The following FHIT variants were observed in gnomAD, a reference collection of about 807,000 sequenced individuals.
The protein encoded by FHIT is bis(5'-adenosyl)-triphosphatase.
A neutral mutation model predicts 17.9 loss-of-function variants in FHIT; 19 were observed. The observed-to-expected ratio is 1.06, with a 90% CI of 0.74 to 1.56. The LOEUF (loss-of-function observed/expected upper bound fraction) is 1.56. Ranked by LOEUF, FHIT falls within the 40% of genes most tolerant of loss-of-function variation. FHIT has a pLI of 0.00. For missense variants in FHIT, 248 were observed against 189.2 expected, an observed-to-expected ratio of 1.31 and a Z score of -1.82; for synonymous variants, 81 against 69.7, an observed-to-expected ratio of 1.16 and a Z score of -0.81.
intron 7 of FHIT, among the ~76,000 whole-genome samples, chr3:59,951,393 G>C (rs1707108924): frequency 6.6e-6 from 1 of 152,270 alleles, no homozygotes; most frequent in Admixed American, 6.5e-5. Flanking sequence ...CAACTTTCAT[G>C]GCCACGGCCA....
intron 7 of FHIT, among the ~76,000 whole-genome samples, chr3:59,942,229 A>G (rs78902131): frequency 0.011 from 1,617 of 152,034 alleles, 33 homozygotes; most frequent in African/African-American, 0.037. Context: ...CTGTGAATAC[A>G]TATTTAGTCT....
At chr3:60,148,945 C>T (rs758467718) in intron 5 of FHIT, among the ~76,000 whole-genome samples, 4 of 152,198 alleles carry the variant, frequency 2.6e-5, no homozygotes, top group African/African-American at 4.8e-5. Context: ...TTAGCTGCTG[C>T]TCTTTGACCT....
intron 8 of FHIT, among the ~76,000 whole-genome samples, chr3:59,762,786 C>CCAA (rs1701589824): frequency 6.6e-6 from 1 of 151,044 alleles, no homozygotes; most frequent in South Asian, 2.1e-4. Flanking sequence ...TCGCTGATCA[C>CCAA]CAACACCTCA....
intron 3 of FHIT, among the ~76,000 whole-genome samples, chr3:60,854,912 A>G (rs879975991): frequency 1.3e-5 from 2 of 152,140 alleles, no homozygotes; most frequent in Non-Finnish European, 2.9e-5. Context: ...ACCAATGCCT[A>G]CCATACACAA....
intron 8 of FHIT, among the ~76,000 whole-genome samples, chr3:59,844,776 GT>G (rs1050817271): frequency 4.6e-5 from 7 of 152,062 alleles, no homozygotes; most frequent in African/African-American, 1.7e-4. Context: ...TTGGTCTGTA[GT>G]TTTTTTGCAA....
At chr3:60,007,641 T>A (rs1405294664) in intron 7 of FHIT, among the ~76,000 whole-genome samples, 13 of 152,196 alleles carry the variant, frequency 8.5e-5, no homozygotes, top group Admixed American at 8.5e-4. Flanking sequence ...ATATATTTAA[T>A]ATAAATTTTA....
At chr3:60,897,348 C>T (rs1262862010) in intron 3 of FHIT, among the ~76,000 whole-genome samples, 1 of 152,134 alleles carries the variant, frequency 6.6e-6, no homozygotes, top group Non-Finnish European at 1.5e-5. Flanking sequence ...TTAGTCTCCT[C>T]AACGTGTAGT....
intron 5 of FHIT, among the ~76,000 whole-genome samples, chr3:60,179,104 AAAG>A (rs1701809522): frequency 6.6e-6 from 1 of 152,190 alleles, no homozygotes; most frequent in Non-Finnish European, 1.5e-5. Flanking sequence ...ATGGGCAGCA[AAAG>A]AAGTGAGAAA....
chr3:61,200,634 A>G lies in FHIT; in HGVS notation c.-181T>C, dbSNP rs1457919710. The G allele has an allele frequency of 6.6e-6, 1 of 152,654 alleles. No homozygotes were observed. Among genetic ancestry groups the G allele is most frequent in the African/African-American group, 2.4e-5 (1 of 41,456 alleles). The allele number at this position is 152,654 out of a possible 1,614,324, so 9.5% of individuals were successfully genotyped here. A position where few individuals can be genotyped will look rare whatever the true frequency, so the allele number is the denominator to read the frequency against. On this transcript the variant is annotated 5_prime_UTR_variant, in exon 2 of 10. Transcript: ENST00000492590. ...ACACTTACCTTTACAGACTGTTCTC[A>G]GTGGATTTCTCTTCTTTCCTGAGCT...
chr3:60,718,855 C>T (rs1156414302), intron 4 of FHIT, among the ~76,000 whole-genome samples: 3 of 152,134 alleles, frequency 2.0e-5, no homozygotes, highest in African/African-American at 4.8e-5. Flanking sequence ...GTGCATTACA[C>T]CTCTCCAAGA....
chr3:60,796,975 AT>A (rs1553730578), intron 4 of FHIT, among the ~76,000 whole-genome samples: 1 of 152,222 alleles, frequency 6.6e-6, no homozygotes, highest in Non-Finnish European at 1.5e-5. Context: ...CAATTTCTTC[AT>A]AACTTATAAA....
intron 2 of FHIT, among the ~76,000 whole-genome samples, chr3:61,099,109 G>C (rs1015296349): frequency 6.6e-6 from 1 of 152,136 alleles, no homozygotes; most frequent in Admixed American, 6.5e-5. Context: ...AAGGAGTTTA[G>C]TGAGAGTTTT....
chr3:60,179,670 G>A (rs921458807), intron 5 of FHIT, among the ~76,000 whole-genome samples: 4 of 151,516 alleles, frequency 2.6e-5, no homozygotes, highest in African/African-American at 9.8e-5. Flanking sequence ...ACATGTTTCT[G>A]TAGGTTGTAA....
chr3:60,454,575 G>A (rs1358930630), intron 5 of FHIT, among the ~76,000 whole-genome samples: 1 of 151,810 alleles, frequency 6.6e-6, no homozygotes, highest in African/African-American at 2.4e-5. Context: ...TAGTAGAGAT[G>A]GGGTTTCACC....
At chr3:60,439,284 A>T (rs535873840) in intron 5 of FHIT, among the ~76,000 whole-genome samples, 24 of 152,144 alleles carry the variant, frequency 1.6e-4, no homozygotes, top group Non-Finnish European at 2.4e-4. Context: ...GATGCACATT[A>T]TAATGTCCTA....
At chr3:60,205,580 G>C (rs1420451825) in intron 5 of FHIT, among the ~76,000 whole-genome samples, 1 of 152,140 alleles carries the variant, frequency 6.6e-6, no homozygotes, top group East Asian at 1.9e-4. Flanking sequence ...TGCCTGAGGA[G>C]GATTCTGGGA....
At chr3:60,680,076 T>G (rs1553696446) in intron 4 of FHIT, among the ~76,000 whole-genome samples, 1 of 152,206 alleles carries the variant, frequency 6.6e-6, no homozygotes, top group African/African-American at 2.4e-5. Flanking sequence ...CACATTCCCC[T>G]TGGCATGTGG....
At chr3:60,124,009 T>TATAGAG (rs1384962194) in intron 5 of FHIT, among the ~76,000 whole-genome samples, 10 of 12,154 alleles carry the variant, frequency 8.2e-4, no homozygotes, top group Admixed American at 1.3e-3. Context: ...TATATATATA[T>TATAGAG]AGAGAGAGAG....
chr3:61,240,366 T>C (rs1211339724), intron 1 of FHIT, among the ~76,000 whole-genome samples: 2 of 152,158 alleles, frequency 1.3e-5, no homozygotes. Flanking sequence ...CAGGCACCAG[T>C]CACATATACT....
Sources: gnomAD v4.1 joint callset for allele counts (sites outside exome capture counted in the v4.1 genomes callset) on GRCh38, gnomAD v4.1.1 for gene constraint, MANE v1.5 for transcripts, NCBI Gene and HGNC (gene_info 2026-07-23, HGNC 2026-07-21) for gene names.